GPR158: variants seen among roughly 807,000 people sequenced by gnomAD.
GPR158 encodes G protein-coupled receptor 158.
GPR158 carries 30 observed loss-of-function variants against 78.2 expected under a neutral mutation model. The observed-to-expected ratio is 0.38, with a 90% CI of 0.29 to 0.52. The LOEUF is 0.52. GPR158 is among the 20% of genes least tolerant of loss of function. GPR158 has a pLI of 0.83. For missense variants in GPR158, 1,463 were observed against 1,523.5 expected (o/e 0.96, Z 0.66); for synonymous variants, 581 against 591.1 (o/e 0.98, Z 0.25).
At chr10:25,235,008 T>G (rs1853501452) in intron 2 of GPR158, among the ~76,000 whole-genome samples, 1 of 152,216 alleles carries the variant, frequency 6.6e-6, no homozygotes, top group Admixed American at 6.5e-5. Flanking sequence ...TTTATCCAAG[T>G]TTTTCACAGG....
chr10:25,540,945 A>T (rs866093322), intron 5 of GPR158, among the ~76,000 whole-genome samples: 49 of 82,900 alleles, frequency 5.9e-4, no homozygotes, highest in African/African-American at 2.1e-3. Context: ...GTATAATAAA[A>T]ATATATATAT....
At chr10:25,343,349 T>C (rs1454808942) in intron 2 of GPR158, among the ~76,000 whole-genome samples, 1 of 151,970 alleles carries the variant, frequency 6.6e-6, no homozygotes, top group African/African-American at 2.4e-5. Flanking sequence ...GTTCAACCCA[T>C]TTAAAACAGA....
chr10:25,366,201 G>A (rs1040321702), intron 2 of GPR158, among the ~76,000 whole-genome samples: 1 of 151,144 alleles, frequency 6.6e-6, no homozygotes, highest in Non-Finnish European at 1.5e-5. Context: ...ATTTATTTTT[G>A]CATTTATATT....
At chr10:25,232,659 A>G (rs1392228727) in intron 2 of GPR158, among the ~76,000 whole-genome samples, 6 of 152,078 alleles carry the variant, frequency 3.9e-5, no homozygotes, top group South Asian at 2.1e-4. Flanking sequence ...CCAAGGGCCT[A>G]TAGATTGAGA....
intron 2 of GPR158, among the ~76,000 whole-genome samples, chr10:25,311,331 A>T (rs1854761295): frequency 6.6e-6 from 1 of 151,876 alleles, no homozygotes; most frequent in African/African-American, 2.4e-5. Context: ...TTTATTCAAC[A>T]TTATTCTATA....
At chr10:25,548,248 G>A (rs1464900205) in intron 5 of GPR158, among the ~76,000 whole-genome samples, 1 of 152,020 alleles carries the variant, frequency 6.6e-6, no homozygotes, top group African/African-American at 2.4e-5. Context: ...ATTTAGAGAG[G>A]CAACCATACA....
At chr10:25,552,667 GTGAA>G (rs1836741784) in intron 6 of GPR158, among the ~76,000 whole-genome samples, 1 of 152,170 alleles carries the variant, frequency 6.6e-6, no homozygotes, top group Non-Finnish European at 1.5e-5. Context: ...GAGTAGATGA[GTGAA>G]TGAATGAAAA....
At chr10:25,556,514 G>A (rs189735111) in intron 6 of GPR158, among the ~76,000 whole-genome samples, 1 of 152,260 alleles carries the variant, frequency 6.6e-6, no homozygotes, top group Admixed American at 6.5e-5. Context: ...AACTCATGGA[G>A]GTTTCTGTCT....
intron 2 of GPR158, among the ~76,000 whole-genome samples, chr10:25,252,061 A>C (rs1323788459): frequency 6.6e-6 from 1 of 151,588 alleles, no homozygotes; most frequent in Non-Finnish European, 1.5e-5. Flanking sequence ...CATTTCATTC[A>C]TTTCATCTTC....
At chr10:25,512,733 A>T in intron 5 of GPR158, among the ~76,000 whole-genome samples, 1 of 147,408 alleles carries the variant, frequency 6.8e-6, no homozygotes, top group African/African-American at 2.7e-5. Context: ...GAGAGTTTTA[A>T]TCATAAAAGA....
chr10:25,446,883 G>A lies in GPR158; in HGVS notation c.1336-19768G>A, dbSNP rs115634195. Among the ~76,000 whole-genome samples, 947 of 152,270 alleles carry A rather than the reference G, an allele frequency of 6.2e-3. 8 individuals are homozygous for A. Among genetic ancestry groups the A allele is most frequent in the African/African-American group, 0.022 (899 of 41,550 alleles). On this transcript the variant is annotated intron_variant, in intron 4 of 10. Transcript: ENST00000376351. Reference sequence around the variant, plus strand: ...TCTGTAGTAATATTTTAAATCGGCAGATAAGATAGGGAAGATTAATCCAAC... The same window carrying A: ...TCTGTAGTAATATTTTAAATCGGCAAATAAGATAGGGAAGATTAATCCAAC...
At chr10:25,290,806 T>G (rs986624375) in intron 2 of GPR158, among the ~76,000 whole-genome samples, 3 of 152,118 alleles carry the variant, frequency 2.0e-5, no homozygotes, top group Admixed American at 2.0e-4. Context: ...TAACTAACTG[T>G]TACATTACCT....
intron 2 of GPR158, among the ~76,000 whole-genome samples, chr10:25,371,547 T>C (rs10741081): frequency 0.5 from 73,034 of 145,228 alleles, 21,222 homozygotes; most frequent in Non-Finnish European, 0.68. Flanking sequence ...TCAGAAATAA[T>C]GCCACATATC....
chr10:25,592,903 CAA>C (rs113359370), intron 8 of GPR158, among the ~76,000 whole-genome samples: 27 of 62,444 alleles, frequency 4.3e-4, no homozygotes, highest in Non-Finnish European at 6.1e-4. Context: ...TATTTCAATG[CAA>C]AAAAAAAAAA....
intron 2 of GPR158, among the ~76,000 whole-genome samples, chr10:25,249,423 A>C (rs1448171241): frequency 6.6e-6 from 1 of 152,112 alleles, no homozygotes; most frequent in East Asian, 1.9e-4. Context: ...GTTTTTGCCC[A>C]TTCAGTATGA....
chr10:25,517,222 G>T (rs1446717433), intron 5 of GPR158, among the ~76,000 whole-genome samples: 44 of 149,362 alleles, frequency 2.9e-4, no homozygotes, highest in Non-Finnish European at 4.4e-4. Flanking sequence ...CATTGATTTT[G>T]TATCCTGAGA....
chr10:25,470,183 A>G (rs961983310), intron 5 of GPR158, among the ~76,000 whole-genome samples: 2 of 151,844 alleles, frequency 1.3e-5, no homozygotes, highest in Non-Finnish European at 2.9e-5. Context: ...TAATTTTTCT[A>G]TTTATTCTTA....
chr10:25,252,018 T>G (rs1853809167), intron 2 of GPR158, among the ~76,000 whole-genome samples: 1 of 151,208 alleles, frequency 6.6e-6, no homozygotes, highest in African/African-American at 2.4e-5. Context: ...CATTTCTTTT[T>G]ATTCTTTTTT....
chr10:25,359,027 C>A (rs1217236471), intron 2 of GPR158, among the ~76,000 whole-genome samples: 1 of 151,650 alleles, frequency 6.6e-6, no homozygotes, highest in Non-Finnish European at 1.5e-5. Flanking sequence ...GATCTTCTGT[C>A]TACTTATTCT....
Sources: gnomAD v4.1 joint callset for allele counts (sites outside exome capture counted in the v4.1 genomes callset) on GRCh38, gnomAD v4.1.1 for gene constraint, MANE v1.5 for transcripts, NCBI Gene and HGNC (gene_info 2026-07-23, HGNC 2026-07-21) for gene names.